Variants in LRMDA observed in about 807,000 individuals in gnomAD.
LRMDA encodes the protein leucine-rich melanocyte differentiation-associated protein.
A neutral mutation model predicts 29.8 loss-of-function variants in LRMDA; 18 were observed. The ratio of observed to expected loss-of-function variants is 0.60; its 90% CI spans 0.42 to 0.90. The LOEUF (loss-of-function observed/expected upper bound fraction) is 0.90. Ranked by LOEUF, LRMDA falls within the 40% of genes least tolerant of loss-of-function variation. LRMDA has a pLI of 0.00. For missense variants in LRMDA, 273 were observed against 273.9 expected (o/e 1.00, Z 0.02); for synonymous variants, 125 against 109.4 (o/e 1.14, Z -0.89).
intron 6 of LRMDA, among the ~76,000 whole-genome samples, chr10:76,512,850 T>C (rs967147236): frequency 2.6e-5 from 4 of 152,178 alleles, no homozygotes; most frequent in African/African-American, 9.6e-5. Flanking sequence ...CTATTTTAGG[T>C]TCGTGGTATT....
chr10:75,479,225 C>T lies in LRMDA; in HGVS notation c.131+40731C>T, dbSNP rs531322757. Among the ~76,000 whole-genome samples, 305 of 152,152 alleles carry T rather than the reference C, an allele frequency of 2.0e-3. 1 individual carries two copies. Among genetic ancestry groups the T allele is most frequent in the African/African-American group, 6.9e-3 (287 of 41,524 alleles). On this transcript the variant is annotated intron_variant, in intron 2 of 6. Transcript: ENST00000611255. Reference sequence around the variant, plus strand: ...AGAACACCTGAAAAGTACACCCAACCGGCTTGGTGTGGTGGCTCACACCTG... The same window carrying T: ...AGAACACCTGAAAAGTACACCCAACTGGCTTGGTGTGGTGGCTCACACCTG...
rs567491207 is a variant in LRMDA at position 76,478,717 on chromosome 10, A to G, written c.602-78492A>G. On this transcript the variant is annotated intron_variant, in intron 6 of 6. Transcript: ENST00000611255. ...ATACACCATGGAATACTATGCAGCC[A>G]TAAAAAATGATGAGTTCATGTCCTT... Among the ~76,000 whole-genome samples, 1,438 of 152,250 alleles carry G rather than the reference A, an allele frequency of 9.4e-3. 20 individuals carry two copies. Among genetic ancestry groups the G allele is most frequent in the African/African-American group, 0.033 (1,382 of 41,554 alleles).
chr10:75,870,025 G>A (rs1845082646), intron 2 of LRMDA, among the ~76,000 whole-genome samples: 1 of 152,002 alleles, frequency 6.6e-6, no homozygotes, highest in South Asian at 2.1e-4. Flanking sequence ...TTCTCACCTG[G>A]GGCTGTGGGT....
At chr10:75,737,052 C>T (rs918843308) in intron 2 of LRMDA, among the ~76,000 whole-genome samples, 10 of 151,148 alleles carry the variant, frequency 6.6e-5, no homozygotes, top group South Asian at 2.1e-4. Context: ...CACACATGCA[C>T]GCACGCACGC....
intron 2 of LRMDA, among the ~76,000 whole-genome samples, chr10:75,810,280 G>T (rs1361729152): frequency 1.3e-5 from 2 of 152,176 alleles, no homozygotes; most frequent in African/African-American, 4.8e-5. Context: ...AAAGACACTG[G>T]GTTTGGATTT....
intron 2 of LRMDA, among the ~76,000 whole-genome samples, chr10:75,679,787 G>T (rs751710880): frequency 1.3e-5 from 2 of 151,946 alleles, no homozygotes; most frequent in Non-Finnish European, 1.5e-5. Context: ...GAGGTCCAGG[G>T]CAAATCCTAC....
chr10:75,976,720 T>C (rs2132444710), intron 2 of LRMDA, among the ~76,000 whole-genome samples: 1 of 152,346 alleles, frequency 6.6e-6, no homozygotes, highest in South Asian at 2.1e-4. Flanking sequence ...ATATTATTAT[T>C]ATTCCCATTT....
At chr10:75,705,291 C>T (rs1404790915) in intron 2 of LRMDA, among the ~76,000 whole-genome samples, 4 of 152,124 alleles carry the variant, frequency 2.6e-5, no homozygotes, top group African/African-American at 9.7e-5. Context: ...GTTTCCCCCA[C>T]TAAATTCAGA....
At chr10:75,852,213 A>C (rs1844743616) in intron 2 of LRMDA, among the ~76,000 whole-genome samples, 1 of 152,204 alleles carries the variant, frequency 6.6e-6, no homozygotes, top group Admixed American at 6.5e-5. Flanking sequence ...GCTTCACTAG[A>C]ATTCAGTGAA....
chr10:76,265,075 G>A lies in LRMDA; in HGVS notation c.517-59326G>A, dbSNP rs527789834. Among the ~76,000 whole-genome samples the A allele has an allele frequency of 5.9e-5, 9 of 152,202 alleles. No homozygotes were observed. The East Asian group carries it at 9.7e-4, about 16-fold the overall frequency. Reference sequence around the variant, plus strand: ...AATGGATTCTCCCTCTTCAACTTTCGAAACTTATATTTGATCCCCATGGCC... The same window carrying A: ...AATGGATTCTCCCTCTTCAACTTTCAAAACTTATATTTGATCCCCATGGCC... On this transcript the variant is annotated intron_variant, in intron 5 of 6. Transcript: ENST00000611255.
chr10:76,063,820 T>A (rs1848741802), intron 5 of LRMDA, among the ~76,000 whole-genome samples: 1 of 152,164 alleles, frequency 6.6e-6, no homozygotes, highest in Admixed American at 6.5e-5. Flanking sequence ...TTCTTCCATC[T>A]GTGTCTGTGT....
At chr10:76,399,501 A>G (rs927226398) in intron 6 of LRMDA, among the ~76,000 whole-genome samples, 1 of 152,212 alleles carries the variant, frequency 6.6e-6, no homozygotes, top group Admixed American at 6.5e-5. Context: ...TTATCCAATC[A>G]CATGCCATGA....
chr10:76,443,926 C>G (rs1353488849), intron 6 of LRMDA, among the ~76,000 whole-genome samples: 1 of 152,074 alleles, frequency 6.6e-6, no homozygotes, highest in Non-Finnish European at 1.5e-5. Context: ...CTTTCTAAGT[C>G]CTGGTAAGGT....
intron 5 of LRMDA, among the ~76,000 whole-genome samples, chr10:76,231,163 A>G (rs1217723867): frequency 6.6e-6 from 1 of 152,192 alleles, no homozygotes; most frequent in Non-Finnish European, 1.5e-5. Context: ...AAGAAAAAAG[A>G]AAAAGAAAAA....
chr10:76,196,408 T>C (rs1256128989), intron 5 of LRMDA, among the ~76,000 whole-genome samples: 3 of 152,220 alleles, frequency 2.0e-5, no homozygotes, highest in Admixed American at 6.5e-5. Flanking sequence ...TCTGTTCACT[T>C]TGAATCCTGA....
intron 2 of LRMDA, among the ~76,000 whole-genome samples, chr10:75,586,221 A>G (rs1426517833): frequency 6.6e-6 from 1 of 151,918 alleles, no homozygotes; most frequent in African/African-American, 2.4e-5. Context: ...GCTGGATCAT[A>G]TGATAGTTCT....
chr10:75,833,221 G>C (rs1844376800), intron 2 of LRMDA, among the ~76,000 whole-genome samples: 1 of 152,138 alleles, frequency 6.6e-6, no homozygotes, highest in Admixed American at 6.5e-5. Context: ...CCTATTTCTG[G>C]CATATCATGG....
intron 2 of LRMDA, among the ~76,000 whole-genome samples, chr10:75,769,313 T>C (rs1248441702): frequency 1.3e-5 from 2 of 152,202 alleles, no homozygotes; most frequent in Non-Finnish European, 2.9e-5. Context: ...TATTAAGAAG[T>C]GTGAAAATCT....
intron 5 of LRMDA, among the ~76,000 whole-genome samples, chr10:76,130,665 CT>C (rs988837953): frequency 6.6e-6 from 1 of 151,194 alleles, no homozygotes; most frequent in Non-Finnish European, 1.5e-5. Context: ...CTTAGCCTAT[CT>C]TTTTTTTTAT....
Sources: gnomAD v4.1 joint callset for allele counts (sites outside exome capture counted in the v4.1 genomes callset) on GRCh38, gnomAD v4.1.1 for gene constraint, MANE v1.5 for transcripts, NCBI Gene and HGNC (gene_info 2026-07-23, HGNC 2026-07-21) for gene names.